Variants in COL4A4 observed in about 807,000 individuals in gnomAD.
COL4A4 encodes collagen type IV alpha 4 chain, also known as collagen alpha-4(IV) chain.
Under a neutral mutation model 192.9 loss-of-function variants are expected in COL4A4, and 105 were observed. That is an observed-to-expected ratio of 0.54 (90% CI 0.46 to 0.64). The LOEUF (loss-of-function observed/expected upper bound fraction) is 0.64, where lower values mean the gene tolerates loss of function less well. Ranked by LOEUF, COL4A4 falls within the 30% of genes least tolerant of loss-of-function variation. COL4A4 has a pLI of 0.00. For synonymous variants in COL4A4, 762 were observed against 769.9 expected (o/e 0.99, Z 0.17); for missense variants, 1,967 against 2,169.3 (o/e 0.91, Z 1.85).
rs182396277 is a variant in COL4A4 at position 227,102,125 on chromosome 2, C to A, written c.931-216G>T. 3.2e-4 allele frequency among the ~76,000 whole-genome samples: 48 copies of A among 152,350 alleles called. No homozygotes were observed. In the East Asian group the frequency reaches 8.7e-3, roughly 28 times the overall value. ...TCAGTCTTATTCAAAAAATCCATGT[C>A]ATTGCCAGTGTTTTAATTAAGAATG... On this transcript the variant is annotated intron_variant, in intron 15 of 47. Coordinates refer to ENST00000396625, the MANE Select transcript of COL4A4 (RefSeq NM_000092.5).
intron 42 of COL4A4, 124 bp from the exon 43 acceptor site, chr2:227,025,934 C>G: frequency 1.2e-6 from 1 of 845,126 alleles, no homozygotes; most frequent in Non-Finnish European, 1.9e-6. Flanking sequence ...TAATTTGAGG[C>G]AGCATCAATG....
Position 227,030,800 on chromosome 2 carries a change from G to A in COL4A4, c.3818-202C>T, listed in dbSNP as rs192800536. Among the ~76,000 whole-genome samples, 725 of 151,176 alleles carry A rather than the reference G, an allele frequency of 4.8e-3. 5 individuals are homozygous for A. The highest frequency in any genetic ancestry group is 0.017 in the African/African-American group (683 of 41,182). ...AGTTGAGAAATGGTGTAGATAATGG[G>A]TTGGTAACTGTTAGACAAAATGAAC... On this transcript the variant is annotated intron_variant, in intron 40 of 47. Coordinates refer to ENST00000396625, the MANE Select transcript of COL4A4 (RefSeq NM_000092.5).
chr2:227,147,963 T>C lies in COL4A4; in HGVS notation c.-101-379A>G, dbSNP rs1382448067. On this transcript the variant is annotated intron_variant, in intron 1 of 47. Coordinates refer to ENST00000396625, the MANE Select transcript of COL4A4 (RefSeq NM_000092.5). ...TTAAAATTCACTCAAATGCTTCTTT[T>C]ACTTTATGAAACTAGAAAAGGAAAC... 2.6e-5 allele frequency among the ~76,000 whole-genome samples: 4 copies of C among 152,162 alleles called. No individual in the cohort carries two copies. The East Asian group carries it at 7.7e-4, about 29-fold the overall frequency.
rs138595854 is a variant in COL4A4, at chr2:227,003,178, T to G, written c.*4147A>C. The G allele has an allele frequency of 3.2e-4, 49 of 152,270 alleles. No homozygotes were observed. The highest frequency in any genetic ancestry group is 1.1e-3 in the African/African-American group (46 of 41,544). The allele number at this position is 152,270 out of a possible 1,614,324, so 9.4% of individuals were successfully genotyped here. ...TAAGAATTGGCCACATATAAATAAT[T>G]CTAATCAGTAATTTATATACCCTGT... On this transcript the variant is annotated 3_prime_UTR_variant, in exon 48 of 48. Coordinates refer to ENST00000396625, the MANE Select transcript of COL4A4 (RefSeq NM_000092.5).
At chr2:227,049,343 G>A (rs932017462) in intron 34 of COL4A4, among the ~76,000 whole-genome samples, 2 of 152,084 alleles carry the variant, frequency 1.3e-5, no homozygotes, top group Non-Finnish European at 2.9e-5. Context: ...AGGCCCGTGG[G>A]GCCAAATCTA....
At position 227,021,866 on chromosome 2, in the gene COL4A4, T is replaced by C. The variant is rs147628594; in HGVS notation, c.4216+182A>G. Among the ~76,000 whole-genome samples, 10 of 152,188 alleles carry C rather than the reference T, an allele frequency of 6.6e-5. No homozygotes were observed. The East Asian group carries it at 1.9e-3, about 29-fold the overall frequency. On this transcript the variant is annotated intron_variant, in intron 44 of 47. Coordinates refer to ENST00000396625, the MANE Select transcript of COL4A4 (RefSeq NM_000092.5). ...AAAATAAAATAATAGAAGGGATGTG[T>C]GGATCCAGTTAGCCCATGATTGATG...
chr2:226,999,001 A>T (rs1960248472), downstream of COL4A4: 1 of 149,896 alleles, frequency 6.7e-6, no homozygotes, highest in South Asian at 2.1e-4. Context: ...CCCCATCTGA[A>T]TCCTGTAACA....
At chr2:227,076,710 G>GAAA (rs2059042521) in intron 25 of COL4A4, among the ~76,000 whole-genome samples, 1 of 152,114 alleles carries the variant, frequency 6.6e-6, no homozygotes. Context: ...GCAACCTACA[G>GAAA]AATGGGAGAA....
intron 43 of COL4A4, chr2:227,022,591 C>G (rs1966236071): frequency 1.9e-6 from 1 of 533,838 alleles, no homozygotes; most frequent in African/African-American, 1.9e-5. Context: ...TTCATGTGTC[C>G]CTGAGTCCTT....
rs1575931307 is a variant in COL4A4, at chr2:227,033,417, A to C, written c.3570T>G (p.Gly1190=). ...HGLKGQKGTK[G]ASGLHDVGPP... ...AATCGATTAGGTGCTTACCTGAAGC[A>C]CCTTTAGTTCCTTTCTGACCTTTCA... is the stretch of plus-strand genomic sequence containing the variant. The change falls in exon 38 of 48, where the codon GGT becomes GGG. Residue 1190 remains glycine, a synonymous_variant. Transcript: ENST00000396625. The C allele has an allele frequency of 1.2e-6, 2 of 1,613,068 alleles. No individual in the cohort carries two copies. Among genetic ancestry groups the C allele is most frequent in the Non-Finnish European group, 1.7e-6 (2 of 1,179,674 alleles).
At chr2:227,059,376 G>A in intron 28 of COL4A4, 29 bp downstream of exon 28, 1 of 1,581,770 alleles carries the variant, frequency 6.3e-7, no homozygotes, top group South Asian at 1.1e-5. Context: ...CCAGCTCTAT[G>A]CACCAAAAGG....
rs1280977485 is a variant in COL4A4 at position 227,119,943 on chromosome 2, A to C, written c.328-4T>G. The C allele has an allele frequency of 4.5e-6, 7 of 1,572,048 alleles. No homozygotes were observed. The Admixed American group carries it at 1.2e-4, about 27-fold the overall frequency. On this transcript the variant is annotated splice_region_variant and splice_polypyrimidine_tract_variant and intron_variant, in intron 5 of 47. Coordinates refer to ENST00000396625, the MANE Select transcript of COL4A4 (RefSeq NM_000092.5). The stretch of plus-strand genomic sequence containing the variant: ...ATCCAGGAACACCAGTTGGACCCTA[A>C]AATCCCAGAAAATAAAACAAAGAGA...
intron 37 of COL4A4, among the ~76,000 whole-genome samples, chr2:227,036,517 G>A (rs551354399): frequency 6.6e-6 from 1 of 152,330 alleles, no homozygotes; most frequent in Non-Finnish European, 1.5e-5. Flanking sequence ...GATGGGAAGA[G>A]AGATCTTTGT....
chr2:227,131,834 G>A (rs1226456315), intron 4 of COL4A4, among the ~76,000 whole-genome samples: 1 of 152,182 alleles, frequency 6.6e-6, no homozygotes, highest in East Asian at 1.9e-4. Context: ...GCGATGTGAA[G>A]ACAGAGGCAC....
chr2:227,164,416 C>T (rs1053595839), upstream of COL4A4: 7 of 495,970 alleles, frequency 1.4e-5, no homozygotes, highest in South Asian at 1.5e-4. The surrounding 1 kb of genome is among the most constrained non-coding windows in gnomAD (Gnocchi z 4.8). Flanking sequence ...CGCCCACCTG[C>T]CCCTCAGGCG....
intron 31 of COL4A4, among the ~76,000 whole-genome samples, chr2:227,052,665 A>C: frequency 6.6e-6 from 1 of 152,196 alleles, no homozygotes. Context: ...TGCCAAATTC[A>C]ACCAAACTGG....
chr2:226,977,476 G>T, the COL4A4 span, among the ~76,000 whole-genome samples: 1 of 152,176 alleles, frequency 6.6e-6, no homozygotes, highest in Non-Finnish European at 1.5e-5. Flanking sequence ...GGTATTTTGT[G>T]TTGGAAAGGC....
chr2:227,130,471 T>G (rs892348008), intron 4 of COL4A4, among the ~76,000 whole-genome samples: 3 of 152,196 alleles, frequency 2.0e-5, no homozygotes, highest in African/African-American at 4.8e-5. Context: ...TCTCCCTCCT[T>G]CTTGCCTGCC....
chr2:227,160,133 A>C (rs967720053), intron 1 of COL4A4, among the ~76,000 whole-genome samples: 4 of 152,228 alleles, frequency 2.6e-5, no homozygotes, highest in Non-Finnish European at 5.9e-5. Flanking sequence ...CAGAGAAATC[A>C]TAAAAAGCTT....
Sources: allele counts gnomAD v4.1 joint callset (sites outside exome capture counted in the v4.1 genomes callset), GRCh38; gene constraint gnomAD v4.1.1; non-coding constraint Gnocchi (gnomAD v3.1); transcripts MANE v1.5; gene names NCBI Gene and HGNC (gene_info 2026-07-23, HGNC 2026-07-21).